Variants in SORCS2 observed in about 807,000 individuals in gnomAD.
SORCS2 encodes the protein VPS10 domain-containing receptor SorCS2.
Under a neutral mutation model 141.6 loss-of-function variants are expected in SORCS2, and 100 were observed. The observed-to-expected ratio is 0.71, with a 90% CI of 0.60 to 0.83. The LOEUF (loss-of-function observed/expected upper bound fraction) is 0.83. SORCS2 is among the 40% of genes least tolerant of loss of function. SORCS2 has a pLI of 0.00. For synonymous variants in SORCS2, 789 were observed against 676.9 expected, an observed-to-expected ratio of 1.17 and a Z score of -2.57; for missense variants, 1,646 against 1,560.2, an observed-to-expected ratio of 1.05 and a Z score of -0.93.
At chr4:7,535,598 C>A (rs1053116173) in intron 3 of SORCS2, among the ~76,000 whole-genome samples, 4 of 152,250 alleles carry the variant, frequency 2.6e-5, no homozygotes, top group Non-Finnish European at 5.9e-5. Flanking sequence ...CAGATCCGGG[C>A]CTGGCCCGAG....
chr4:7,354,589 C>T (rs1241116944), intron 1 of SORCS2, among the ~76,000 whole-genome samples: 2 of 152,246 alleles, frequency 1.3e-5, no homozygotes, highest in Non-Finnish European at 2.9e-5. Flanking sequence ...GGTTTCTCTT[C>T]ATGTCACCTC....
chr4:7,371,788 C>CAG (rs1412953315), intron 1 of SORCS2, among the ~76,000 whole-genome samples: 1 of 152,212 alleles, frequency 6.6e-6, no homozygotes, highest in African/African-American at 2.4e-5. Flanking sequence ...GCTGTGGGTC[C>CAG]CTCAGTAGCT....
chr4:7,366,447 C>T (rs112824076), intron 1 of SORCS2, among the ~76,000 whole-genome samples: 2 of 146,858 alleles, frequency 1.4e-5, no homozygotes, highest in Non-Finnish European at 3.0e-5. Flanking sequence ...TCAGTCCTCA[C>T]GGTGGATGCC....
intron 2 of SORCS2, among the ~76,000 whole-genome samples, chr4:7,466,386 G>A (rs1456699159): frequency 5.3e-5 from 8 of 152,144 alleles, no homozygotes; most frequent in South Asian, 4.1e-4. Context: ...CCCACATTCC[G>A]CTGGCCAGAG....
chr4:7,451,224 A>G (rs763133455), intron 2 of SORCS2, among the ~76,000 whole-genome samples: 2 of 152,218 alleles, frequency 1.3e-5, no homozygotes, highest in African/African-American at 4.8e-5. Context: ...GAATGAATGA[A>G]TAAATGAGTA....
At chr4:7,333,173 A>G (rs1719765508) in intron 1 of SORCS2, among the ~76,000 whole-genome samples, 1 of 152,194 alleles carries the variant, frequency 6.6e-6, no homozygotes, top group African/African-American at 2.4e-5. Flanking sequence ...CCACCCCACT[A>G]GGGCATCCCA....
Position 7,574,272 on chromosome 4 carries a change from C to T in SORCS2, c.648+42643C>T, listed in dbSNP as rs78962392. ...AGCGAGGGTGTGGTCCCTTCTCCCA[C>T]GGGATCACCTTGATGACTGGCTTCC... On this transcript the variant is annotated intron_variant, in intron 3 of 26. Transcript: ENST00000507866. 6.1e-3 allele frequency among the ~76,000 whole-genome samples: 925 copies of T among 152,340 alleles called. 11 individuals are homozygous for T. The highest frequency in any genetic ancestry group is 0.021 in the African/African-American group (885 of 41,576).
intron 1 of SORCS2, among the ~76,000 whole-genome samples, chr4:7,303,344 G>A (rs747072668): frequency 1.3e-5 from 2 of 152,190 alleles, no homozygotes; most frequent in Non-Finnish European, 2.9e-5. Context: ...CTCTGCTGGT[G>A]ACGATGACAA....
chr4:7,489,042 T>A (rs1477032494), intron 2 of SORCS2, among the ~76,000 whole-genome samples: 1 of 152,216 alleles, frequency 6.6e-6, no homozygotes, highest in Non-Finnish European at 1.5e-5. Flanking sequence ...GTCAGCAGCA[T>A]GCTAAGGCTG....
chr4:7,661,521 T>C lies in SORCS2; in HGVS notation c.909T>C (p.Ala303=), dbSNP rs567160563. Residue 303 remains alanine (A), a synonymous_variant, in exon 6 of 27, where the codon GCT becomes GCC. Transcript: ENST00000507866. ...HVFWSVSGVD[A]DPDLVHVEAQ... The stretch of plus-strand genomic sequence containing the variant: ...CCAGGTCTGTGTCTGGGGTGGACGC[T>C]GACCCTGACTTGGTCCACGTGGAAG... The C allele has an allele frequency of 6.4e-6, 10 of 1,551,590 alleles. No homozygotes were observed. The highest frequency in any genetic ancestry group is 8.7e-6 in the Non-Finnish European group (10 of 1,147,016).
intron 14 of SORCS2, among the ~76,000 whole-genome samples, chr4:7,706,527 CTGT>C (rs1348055144): frequency 5.9e-5 from 8 of 136,686 alleles, no homozygotes; most frequent in East Asian, 2.3e-4. Flanking sequence ...AGGCTGGGCT[CTGT>C]CTGGGCAGGG....
At chr4:7,313,890 G>A (rs547546636) in intron 1 of SORCS2, among the ~76,000 whole-genome samples, 42 of 152,184 alleles carry the variant, frequency 2.8e-4, no homozygotes, top group Admixed American at 7.2e-4. Flanking sequence ...CTTAGCCTGG[G>A]AGGCCCTGTC....
intron 1 of SORCS2, among the ~76,000 whole-genome samples, chr4:7,395,650 C>T (rs1174297413): frequency 3.4e-4 from 5 of 14,576 alleles, no homozygotes; most frequent in African/African-American, 5.4e-4. Flanking sequence ...ATGCAAACAG[C>T]GTGGTCAGGT....
chr4:7,358,919 G>A (rs1721420923), intron 1 of SORCS2, among the ~76,000 whole-genome samples: 2 of 152,014 alleles, frequency 1.3e-5, no homozygotes, highest in Non-Finnish European at 2.9e-5. Context: ...GCTCACTGCA[G>A]TCTCAAACTC....
At chr4:7,296,820 C>T (rs992446963) in intron 1 of SORCS2, among the ~76,000 whole-genome samples, 4 of 152,160 alleles carry the variant, frequency 2.6e-5, no homozygotes, top group Admixed American at 6.5e-5. Flanking sequence ...ACACACACTG[C>T]GTGGCTTCCC....
rs1716759748 is a variant in SORCS2 at position 7,589,395 on chromosome 4, TTTTG to T, written c.649-48917_649-48914del. Among the ~76,000 whole-genome samples the T allele has an allele frequency of 4.7e-4, 7 of 14,810 alleles. No homozygotes were observed. The Admixed American group carries it at 9.5e-3, about 20-fold the overall frequency. 9.7% of individuals were successfully genotyped at this position (14,810 alleles called of 152,430 possible). ...TGCCCTCTTGGCTGAGACCCGTTTTTTTTGTTTGTTTGTTTGTTTTGTTTTGAGA... is the reference window on the plus strand; with the variant it reads ...TGCCCTCTTGGCTGAGACCCGTTTTTTTTGTTTGTTTGTTTTGTTTTGAGA... On this transcript the variant is annotated intron_variant, in intron 3 of 26. Transcript: ENST00000507866.
At chr4:7,391,363 TC>T (rs1723852817) in intron 1 of SORCS2, among the ~76,000 whole-genome samples, 1 of 152,088 alleles carries the variant, frequency 6.6e-6, no homozygotes, top group African/African-American at 2.4e-5. Context: ...TAGCCTCGGC[TC>T]CCTCCCACTG....
intron 11 of SORCS2, among the ~76,000 whole-genome samples, chr4:7,693,477 C>T (rs1340682753): frequency 6.6e-6 from 1 of 152,232 alleles, no homozygotes; most frequent in Non-Finnish European, 1.5e-5. Flanking sequence ...CCAACCCCCA[C>T]CTGCTCCTCA....
intron 9 of SORCS2, among the ~76,000 whole-genome samples, chr4:7,680,306 A>T (rs10937853): frequency 6.6e-6 from 1 of 151,926 alleles, no homozygotes; most frequent in African/African-American, 2.4e-5. Flanking sequence ...CACGTGCCCC[A>T]CCCTCTCCCA....
Sources: gnomAD v4.1 joint callset for allele counts (sites outside exome capture counted in the v4.1 genomes callset) on GRCh38, gnomAD v4.1.1 for gene constraint, MANE v1.5 for transcripts, NCBI Gene and HGNC (gene_info 2026-07-23, HGNC 2026-07-21) for gene names.